The following COL25A1 variants were observed in gnomAD, a reference collection of about 807,000 sequenced individuals.
The protein encoded by COL25A1 is collagen alpha-1(XXV) chain.
Under a neutral mutation model 128.4 loss-of-function variants are expected in COL25A1, and 103 were observed. That is an observed-to-expected ratio of 0.80 (90% confidence interval 0.68 to 0.94). The LOEUF (loss-of-function observed/expected upper bound fraction) is 0.94. COL25A1 is among the 40% of genes least tolerant of loss of function. COL25A1 has a pLI of 0.00. For synonymous variants in COL25A1, 279 were observed against 277.2 expected (o/e 1.01, Z -0.06); for missense variants, 745 against 840.0 (o/e 0.89, Z 1.40).
chr4:109,127,221 T>C (rs1280141305), intron 3 of COL25A1, among the ~76,000 whole-genome samples: 3 of 152,218 alleles, frequency 2.0e-5, no homozygotes, highest in Admixed American at 1.3e-4. Flanking sequence ...GACCATGCCT[T>C]CATTCCTTAG....
At chr4:108,878,759 A>G (rs890017912) in intron 19 of COL25A1, among the ~76,000 whole-genome samples, 1 of 152,158 alleles carries the variant, frequency 6.6e-6, no homozygotes, top group South Asian at 2.1e-4. Context: ...ACTGGCTTAC[A>G]TCATGAAAGC....
At chr4:109,115,171 G>A (rs1767419806) in intron 3 of COL25A1, among the ~76,000 whole-genome samples, 1 of 151,958 alleles carries the variant, frequency 6.6e-6, no homozygotes, top group Admixed American at 6.6e-5. Context: ...AACATAAACA[G>A]CAGCTGAAAA....
At chr4:108,886,483 T>A (rs1740816225) in intron 18 of COL25A1, among the ~76,000 whole-genome samples, 1 of 133,900 alleles carries the variant, frequency 7.5e-6, no homozygotes, top group Non-Finnish European at 1.6e-5. Context: ...TGTGTGTGTG[T>A]GTGTGTGTGT....
At chr4:109,278,800 T>C (rs1723087225) in intron 3 of COL25A1, among the ~76,000 whole-genome samples, 1 of 152,218 alleles carries the variant, frequency 6.6e-6, no homozygotes, top group Admixed American at 6.6e-5. Flanking sequence ...CTTTAGGCTG[T>C]TCTAACAAAA....
intron 3 of COL25A1, among the ~76,000 whole-genome samples, chr4:109,119,137 A>G (rs1767882755): frequency 6.6e-6 from 1 of 152,064 alleles, no homozygotes; most frequent in Non-Finnish European, 1.5e-5. Flanking sequence ...CTCTCAAGAG[A>G]ACTGTTTAAA....
At chr4:108,926,020 AT>A (rs1746013106) in intron 11 of COL25A1, among the ~76,000 whole-genome samples, 1 of 152,224 alleles carries the variant, frequency 6.6e-6, no homozygotes, top group Admixed American at 6.5e-5. Context: ...CTCTGTGACC[AT>A]TATGTGTTGG....
chr4:109,298,541 C>G (rs116854759), intron 3 of COL25A1, among the ~76,000 whole-genome samples: 1 of 152,144 alleles, frequency 6.6e-6, no homozygotes, highest in African/African-American at 2.4e-5. Flanking sequence ...AGGGCTAGAG[C>G]CAAACCAGGT....
intron 3 of COL25A1, among the ~76,000 whole-genome samples, chr4:109,288,320 T>C (rs1724090498): frequency 6.6e-6 from 1 of 152,136 alleles, no homozygotes; most frequent in Non-Finnish European, 1.5e-5. Flanking sequence ...GTAATGGAGT[T>C]GGTATAACAT....
rs1325907660 is a variant in COL25A1 at position 109,083,498 on chromosome 4, T to C, written c.368-33319A>G. ...TTTTTTTTGAGACGGAGTCTCGCTCTGTCGCCCAGGCTGGAGTGCAGTGGC... is the reference window on the plus strand; with the variant it reads ...TTTTTTTTGAGACGGAGTCTCGCTCCGTCGCCCAGGCTGGAGTGCAGTGGC... On this transcript the variant is annotated intron_variant, in intron 3 of 37. Transcript: ENST00000399132. 3.0e-5 allele frequency among the ~76,000 whole-genome samples: 4 copies of C among 133,876 alleles called. No individual in the cohort carries two copies. The East Asian group carries it at 9.4e-4, about 32-fold the overall frequency. The allele number at this position is 133,876 out of a possible 152,430, so 87.8% of individuals were successfully genotyped here.
intron 3 of COL25A1, among the ~76,000 whole-genome samples, chr4:109,222,630 A>G (rs1778507445): frequency 6.6e-6 from 1 of 152,198 alleles, no homozygotes; most frequent in African/African-American, 2.4e-5. Flanking sequence ...TGTAGGATTT[A>G]GAATCCTTAC....
intron 18 of COL25A1, among the ~76,000 whole-genome samples, chr4:108,887,248 G>A (rs976964655): frequency 1.6e-4 from 25 of 152,240 alleles, no homozygotes; most frequent in Admixed American, 8.5e-4. Context: ...ACAATATTCT[G>A]TACTTTTCTG....
In COL25A1 at chr4:108,811,657, T is replaced by C. The variant is rs947412951; in HGVS notation, c.*2270A>G. 18 of 152,122 alleles carry C rather than the reference T, an allele frequency of 1.2e-4. No homozygotes were observed. Among genetic ancestry groups the C allele is most frequent in the Admixed American group, 4.6e-4 (7 of 15,264 alleles). The allele number at this position is 152,122 out of a possible 1,614,324, so 9.4% of individuals were successfully genotyped here. A position where few individuals can be genotyped will look rare whatever the true frequency, so the allele number is the denominator to read the frequency against. On this transcript the variant is annotated 3_prime_UTR_variant, in exon 38 of 38. Transcript: ENST00000399132. ...TTTCCAAACCATTTAAGACAAATTG[T>C]GTCAGACATTGAGCAATACGTTATC...
Position 109,210,644 on chromosome 4 carries a change from T to C in COL25A1, c.367+89939A>G, listed in dbSNP as rs79664345. 8.9e-3 allele frequency among the ~76,000 whole-genome samples: 1,352 copies of C among 152,236 alleles called. 59 individuals carry two copies. The South Asian group carries it at 0.14, about 15-fold the overall frequency. On this transcript the variant is annotated intron_variant, in intron 3 of 37. Coordinates refer to ENST00000399132, the MANE Select transcript of COL25A1 (RefSeq NM_198721.4). ...GACCTTTTTGATAACTCTTATGTAA[T>C]AAAATGCCTATATTTTCTTTAGGTT...
At chr4:108,986,160 A>T (rs1251934086) in intron 6 of COL25A1, among the ~76,000 whole-genome samples, 2 of 152,184 alleles carry the variant, frequency 1.3e-5, no homozygotes, top group Non-Finnish European at 2.9e-5. Flanking sequence ...AATAATCTAC[A>T]AGCCTCTGTT....
chr4:108,979,783 C>T (rs74680597), intron 6 of COL25A1, among the ~76,000 whole-genome samples: 2,626 of 152,258 alleles, frequency 0.017, 62 homozygotes, highest in East Asian at 0.067. Context: ...ATCAGCCAGG[C>T]GATGTACTCT....
intron 15 of COL25A1, among the ~76,000 whole-genome samples, chr4:108,898,914 A>G (rs1430049336): frequency 6.6e-6 from 1 of 152,150 alleles, no homozygotes; most frequent in Non-Finnish European, 1.5e-5. Flanking sequence ...TTGTCTATAC[A>G]TAAGAATCAC....
intron 6 of COL25A1, among the ~76,000 whole-genome samples, chr4:108,975,180 C>T (rs537775063): frequency 9.9e-5 from 15 of 152,248 alleles, no homozygotes; most frequent in South Asian, 4.1e-4. Context: ...TATGGCCAGG[C>T]GCAGTGGCTC....
At chr4:108,908,609 G>A (rs910163370) in intron 13 of COL25A1, among the ~76,000 whole-genome samples, 7 of 152,122 alleles carry the variant, frequency 4.6e-5, no homozygotes, top group African/African-American at 1.7e-4. Flanking sequence ...CCTAAAATTA[G>A]AACCGCATAA....
chr4:108,845,928 G>A (rs1456112620), intron 28 of COL25A1, among the ~76,000 whole-genome samples: 1 of 151,964 alleles, frequency 6.6e-6, no homozygotes, highest in Admixed American at 6.6e-5. Context: ...AAACATGAAG[G>A]CTTCCTTTAT....
Sources: allele counts gnomAD v4.1 joint callset (sites outside exome capture counted in the v4.1 genomes callset), GRCh38; gene constraint gnomAD v4.1.1; transcripts MANE v1.5; gene names NCBI Gene and HGNC (gene_info 2026-07-23, HGNC 2026-07-21).